Variants in GRID1 observed in about 807,000 individuals in gnomAD.
The protein encoded by GRID1 is glutamate ionotropic receptor delta type subunit 1, also known as glutamate receptor ionotropic, delta-1.
Under a neutral mutation model 98.0 loss-of-function variants are expected in GRID1, and 28 were observed. The ratio of observed to expected loss-of-function variants is 0.29; its 90% CI spans 0.21 to 0.39. GRID1 has a LOEUF of 0.39. Among genes scored for constraint, GRID1 ranks in the 10% least tolerant of loss-of-function variants. The probability of loss-of-function intolerance (pLI) is 1.00; values close to 1 mark genes in which losing one functional copy is unlikely to be tolerated. For synonymous variants in GRID1, 553 were observed against 538.5 expected, an observed-to-expected ratio of 1.03 and a Z score of -0.37; for missense variants, 1,111 against 1,340.5, an observed-to-expected ratio of 0.83 and a Z score of 2.67.
chr10:85,785,045 T>G (rs1476074155), intron 8 of GRID1, among the ~76,000 whole-genome samples: 1 of 152,206 alleles, frequency 6.6e-6, no homozygotes, highest in African/African-American at 2.4e-5. Flanking sequence ...GATAGCATAA[T>G]GTCACCCAGC....
intron 4 of GRID1, among the ~76,000 whole-genome samples, chr10:85,940,066 CA>C (rs34122685): frequency 0.17 from 16,390 of 97,980 alleles, 1,006 homozygotes; most frequent in Non-Finnish European, 0.19. Flanking sequence ...GACTCCCTCT[CA>C]AAAAAAAAAA....
chr10:86,289,525 C>T (rs1273925714), intron 2 of GRID1, among the ~76,000 whole-genome samples: 1 of 151,870 alleles, frequency 6.6e-6, no homozygotes, highest in Non-Finnish European at 1.5e-5. Flanking sequence ...ATGCCCCCAA[C>T]TGCCCCGTGC....
intron 2 of GRID1, among the ~76,000 whole-genome samples, chr10:86,277,775 T>C (rs1441496873): frequency 1.3e-5 from 2 of 152,002 alleles, no homozygotes; most frequent in Non-Finnish European, 2.9e-5. Context: ...AAGCCATTAA[T>C]AGAGAAAATG....
rs555545589 is a variant in GRID1 at position 85,941,992 on chromosome 10, G to C, written c.727-25753C>G. 5.3e-4 allele frequency among the ~76,000 whole-genome samples: 81 copies of C among 152,280 alleles called. 2 individuals are homozygous for C. In the South Asian group the frequency reaches 0.012, roughly 23 times the overall value. Reference sequence around the variant, plus strand: ...TGAAGTGTGCAGTGGGGCACTGGAGGGGTCATCTTTCCATGCTAGCTTGAA... The same window carrying C: ...TGAAGTGTGCAGTGGGGCACTGGAGCGGTCATCTTTCCATGCTAGCTTGAA... On this transcript the variant is annotated intron_variant, in intron 4 of 15. Transcript: ENST00000327946.
chr10:86,318,798 G>C (rs748482), intron 2 of GRID1, among the ~76,000 whole-genome samples: 25,682 of 152,110 alleles, frequency 0.17, 2,266 homozygotes, highest in South Asian at 0.23. Context: ...GTCACCAAGC[G>C]CTTAAGATTC....
At chr10:85,898,192 A>G (rs1841321515) in intron 5 of GRID1, among the ~76,000 whole-genome samples, 1 of 152,242 alleles carries the variant, frequency 6.6e-6, no homozygotes, top group Non-Finnish European at 1.5e-5. Flanking sequence ...GTATCTGAAT[A>G]TAGCTAGACA....
chr10:85,690,008 T>C (rs1450449270), intron 12 of GRID1, among the ~76,000 whole-genome samples: 1 of 152,170 alleles, frequency 6.6e-6, no homozygotes, highest in East Asian at 1.9e-4. Flanking sequence ...AAAAGCTGTA[T>C]GTAAAATGAT....
rs987020317 is a variant in GRID1 at position 86,068,670 on chromosome 10, C to T, written c.726+70149G>A. ...ACGGTGCCTCAGATACTGTCACACACGCTCCAGCTGAATTAAAATGTGCTC... is the reference window on the plus strand; with the variant it reads ...ACGGTGCCTCAGATACTGTCACACATGCTCCAGCTGAATTAAAATGTGCTC... On this transcript the variant is annotated intron_variant, in intron 4 of 15. Coordinates refer to ENST00000327946, the MANE Select transcript of GRID1 (RefSeq NM_017551.3). 1.4e-4 allele frequency among the ~76,000 whole-genome samples: 21 copies of T among 152,196 alleles called. No individual in the cohort carries two copies. The South Asian group carries it at 2.5e-3, about 18-fold the overall frequency.
chr10:86,230,183 G>C (rs775643682), intron 2 of GRID1, among the ~76,000 whole-genome samples: 3 of 152,150 alleles, frequency 2.0e-5, no homozygotes, highest in Non-Finnish European at 4.4e-5. Context: ...CCTGGCTTCA[G>C]GCCCTGCCTG....
intron 4 of GRID1, among the ~76,000 whole-genome samples, chr10:86,115,790 C>A (rs1659661198): frequency 6.6e-6 from 1 of 152,208 alleles, no homozygotes; most frequent in African/African-American, 2.4e-5. Context: ...GGTCTATTAC[C>A]TGGGAGGCCA....
intron 8 of GRID1, among the ~76,000 whole-genome samples, chr10:85,822,162 G>A (rs1253899694): frequency 1.3e-5 from 2 of 152,068 alleles, no homozygotes; most frequent in African/African-American, 2.4e-5. Flanking sequence ...AAAAGCAATG[G>A]CAACAAAAGC....
intron 2 of GRID1, among the ~76,000 whole-genome samples, chr10:86,236,845 C>T (rs985769084): frequency 3.9e-5 from 6 of 152,098 alleles, no homozygotes; most frequent in African/African-American, 7.2e-5. Flanking sequence ...CCTGACCCAG[C>T]GAGTGTGGCC....
chr10:85,792,571 C>T (rs1054672593), intron 8 of GRID1, among the ~76,000 whole-genome samples: 21 of 152,126 alleles, frequency 1.4e-4, no homozygotes, highest in African/African-American at 4.6e-4. Context: ...TGAGAGGTGC[C>T]GAAGGCCTCA....
At chr10:85,764,863 G>T (rs753213949) in intron 8 of GRID1, among the ~76,000 whole-genome samples, 37 of 152,130 alleles carry the variant, frequency 2.4e-4, no homozygotes, top group Non-Finnish European at 3.8e-4. Context: ...AAAACTCAGG[G>T]TTACTTAATT....
At chr10:85,904,372 T>C (rs1334753658) in intron 5 of GRID1, among the ~76,000 whole-genome samples, 3 of 152,202 alleles carry the variant, frequency 2.0e-5, no homozygotes, top group Non-Finnish European at 4.4e-5. Flanking sequence ...CATGACACAG[T>C]GCAGGTGGGG....
chr10:85,658,891 C>T (rs1271461802), intron 12 of GRID1, among the ~76,000 whole-genome samples: 1 of 152,182 alleles, frequency 6.6e-6, no homozygotes, highest in Non-Finnish European at 1.5e-5. Flanking sequence ...TACTAGGAGA[C>T]AGCAGAAATG....
intron 4 of GRID1, among the ~76,000 whole-genome samples, chr10:85,970,291 G>T (rs1303776173): frequency 6.6e-6 from 1 of 151,994 alleles, no homozygotes; most frequent in South Asian, 2.1e-4. Flanking sequence ...AAATAGAATA[G>T]GAGGGAACAC....
intron 3 of GRID1, among the ~76,000 whole-genome samples, chr10:86,166,661 T>C (rs984636794): frequency 3.3e-5 from 5 of 152,210 alleles, no homozygotes; most frequent in Admixed American, 2.0e-4. Flanking sequence ...CGCCACAGCA[T>C]AAATTGGCCT....
intron 8 of GRID1, among the ~76,000 whole-genome samples, chr10:85,769,888 TG>T (rs1842239396): frequency 6.6e-6 from 1 of 152,200 alleles, no homozygotes; most frequent in African/African-American, 2.4e-5. Context: ...GCTCCACCTC[TG>T]GGGGCAGGGC....
Sources: gnomAD v4.1 joint callset for allele counts (sites outside exome capture counted in the v4.1 genomes callset) on GRCh38, gnomAD v4.1.1 for gene constraint, MANE v1.5 for transcripts, NCBI Gene and HGNC (gene_info 2026-07-23, HGNC 2026-07-21) for gene names.